The following AGGF1 variants were observed in gnomAD, a reference collection of about 807,000 sequenced individuals.
The protein encoded by AGGF1 is angiogenic factor with G-patch and FHA domains 1.
In AGGF1, 56 loss-of-function variants were observed where a neutral mutation model predicts 86.5. That is an observed-to-expected ratio of 0.65 (90% confidence interval 0.52 to 0.81). The LOEUF is 0.81. Among genes scored for constraint, AGGF1 ranks in the 30% least tolerant of loss-of-function variants. The pLI is 0.00. For missense variants in AGGF1, 816 were observed against 850.9 expected (o/e 0.96, Z 0.51); for synonymous variants, 313 against 297.1 (o/e 1.05, Z -0.55).
chr5:77,060,489 T>C (rs1034569528), intron 12 of AGGF1, among the ~76,000 whole-genome samples: 3 of 152,216 alleles, frequency 2.0e-5, no homozygotes, highest in Non-Finnish European at 4.4e-5. Context: ...GGCAAAGTAG[T>C]CTGGATAAAA....
At position 77,047,760 on chromosome 5, in the gene AGGF1, T is replaced by A. The variant is rs1036912141; in HGVS notation, c.1202-401T>A. ...CTTGAACTCCTGACCTCAGGTGATCTGCCTGCGTCGGCCCCCCAAAGTGCT... is the reference window on the plus strand; with the variant it reads ...CTTGAACTCCTGACCTCAGGTGATCAGCCTGCGTCGGCCCCCCAAAGTGCT... On this transcript the variant is annotated intron_variant, in intron 6 of 13. Transcript: ENST00000312916. Among the ~76,000 whole-genome samples, 6 of 151,482 alleles carry A rather than the reference T, an allele frequency of 4.0e-5. No individual in the cohort carries two copies. In the South Asian group the frequency reaches 1.3e-3, roughly 32 times the overall value.
In AGGF1 at chr5:77,063,052, A is replaced by G; in HGVS notation, c.1945A>G (p.Ile649Val). The G allele has an allele frequency of 6.2e-7, 1 of 1,614,062 alleles. No homozygotes were observed. Residue 649 changes from isoleucine (I) to valine (V), a missense_variant and splice_region_variant, in exon 14 of 14, where the codon ATC becomes GTC. Ile to Val is a conservative substitution (Grantham distance 29, BLOSUM62 3). Around this residue, in one of 3 missense-constraint regions of AGGF1, gnomAD observed 565 missense variants for 585.8 expected, o/e 0.96. Coordinates refer to ENST00000312916, the MANE Select transcript of AGGF1 (RefSeq NM_018046.5). ...GKDGGGMKTP[I>V]QLQLRRTHAG... ...TCCTCTGCTCAACTTTTGGTAACAG[A>G]TCCAGCTTCAGCTTCGGCGAACACA...
At chr5:77,049,911 T>C (rs1339047514) in intron 8 of AGGF1, among the ~76,000 whole-genome samples, 4 of 152,170 alleles carry the variant, frequency 2.6e-5, no homozygotes, top group Non-Finnish European at 4.4e-5. Context: ...TCCTCTCTTA[T>C]GGTTGTTATC....
In AGGF1 at chr5:77,046,362, G is replaced by C. The variant is rs868210620; in HGVS notation, c.886G>C (p.Asp296His). 1.2e-6 allele frequency: 2 copies of C among 1,613,632 alleles called. No individual in the cohort carries two copies. The highest frequency in any genetic ancestry group is 3.3e-4 in the Middle Eastern group (2 of 6,044). ...TNEEKDLNSE[D>H]QKAFSVEHTS... ...CCTTCTCCAGGATTTGAACTCAGAGGATCAAAAAGCCTTCAGTGTTGAACA... is the reference window on the plus strand; with the variant it reads ...CCTTCTCCAGGATTTGAACTCAGAGCATCAAAAAGCCTTCAGTGTTGAACA... The change falls in exon 6 of 14, where the codon GAT (aspartate) becomes CAT (histidine). Residue 296 changes from aspartate (D) to histidine (H), a missense_variant. Around this residue, in one of 3 missense-constraint regions of AGGF1, gnomAD observed 565 missense variants for 585.8 expected, o/e 0.96. Coordinates refer to ENST00000312916, the MANE Select transcript of AGGF1 (RefSeq NM_018046.5).
chr5:77,031,073 A>T, intron 1 of AGGF1, 97 bp downstream of exon 1: 1 of 1,291,802 alleles, frequency 7.7e-7, no homozygotes, highest in Non-Finnish European at 1.1e-6. Context: ...GGGGCTCAGA[A>T]CTACTGTAGA....
At chr5:77,060,299 C>T (rs2150735674) in intron 12 of AGGF1, among the ~76,000 whole-genome samples, 1 of 152,304 alleles carries the variant, frequency 6.6e-6, no homozygotes, top group South Asian at 2.1e-4. Flanking sequence ...TGTTAACAGT[C>T]TAGCCACACA....
At position 77,035,660 on chromosome 5, in the gene AGGF1, G is replaced by C; in HGVS notation, c.433G>C (p.Val145Leu). The change falls in exon 3 of 14, where the codon GTA becomes CTA. Residue 145 changes from valine (V) to leucine (L), a missense_variant. Coordinates refer to ENST00000312916, the MANE Select transcript of AGGF1 (RefSeq NM_018046.5). ...SILNSKDHLQ[V>L]ENDAYPGTDR... ...TTTGAATTCTAAAGACCATTTACAA[G>C]TAGAAAATGATGCTTACCCTGGTAC... 1 of 1,613,542 alleles carries C rather than the reference G, an allele frequency of 6.2e-7. No individual in the cohort carries two copies. The highest frequency in any genetic ancestry group is 8.5e-7 in the Non-Finnish European group (1 of 1,179,650).
chr5:77,049,759 G>A (rs1047157246), intron 8 of AGGF1, among the ~76,000 whole-genome samples: 1 of 151,842 alleles, frequency 6.6e-6, no homozygotes, highest in African/African-American at 2.4e-5. Flanking sequence ...CTGGGTGTTC[G>A]CTAGGCTGGT....
At chr5:77,059,814 C>T in intron 12 of AGGF1, 71 bp downstream of exon 12, 2 of 1,577,336 alleles carry the variant, frequency 1.3e-6, no homozygotes, top group South Asian at 2.2e-5. Context: ...GTCTGATGTT[C>T]AGGGCTATAT....
intron 5 of AGGF1, among the ~76,000 whole-genome samples, chr5:77,042,609 A>G (rs1279548500): frequency 9.6e-5 from 4 of 41,748 alleles, no homozygotes; most frequent in South Asian, 8.1e-4. Flanking sequence ...TCCCTCCCGG[A>G]CGTGGCGGCT....
intron 11 of AGGF1, 63 bp from the exon 12 acceptor site, chr5:77,059,553 T>C (rs1249174915): frequency 2.6e-5 from 37 of 1,411,968 alleles, no homozygotes; most frequent in Non-Finnish European, 3.6e-5. Flanking sequence ...GTAAGGCACA[T>C]GTACAGAAAT....
intron 4 of AGGF1, 140 bp downstream of exon 4, chr5:77,036,860 CCCAAGTAG>C (rs1000422398): frequency 1.1e-6 from 1 of 927,690 alleles, no homozygotes; most frequent in African/African-American, 1.6e-5. Context: ...GTCTCAGCAT[CCCAAGTAG>C]CTGGGATTAC....
At chr5:77,062,986 T>A (rs147004599) in intron 13 of AGGF1, 66 bp from the exon 14 acceptor site, 1 of 1,559,430 alleles carries the variant, frequency 6.4e-7, no homozygotes, top group African/African-American at 1.4e-5. Context: ...AGTCCTAAGT[T>A]GGACACAGCA....
At chr5:77,031,899 G>T (rs766192886) in intron 1 of AGGF1, among the ~76,000 whole-genome samples, 1 of 152,052 alleles carries the variant, frequency 6.6e-6, no homozygotes, top group African/African-American at 2.4e-5. Flanking sequence ...GTGCAACTCT[G>T]TCTCAAAATA....
rs1747419803 is a variant in AGGF1 at position 77,053,995 on chromosome 5, G to A, written c.1498G>A (p.Glu500Lys). 3.7e-6 allele frequency: 6 copies of A among 1,614,002 alleles called. No homozygotes were observed. The highest frequency in any genetic ancestry group is 4.2e-6 in the Non-Finnish European group (5 of 1,180,030). The change falls in exon 10 of 14, where the codon GAG becomes AAG. Residue 500 changes from glutamate (E) to lysine (K), a missense_variant. Transcript: ENST00000312916. ...AACTAAATGTGACCCTTACGTACTT[G>A]AGCATGGAGATGAAGTCAAAATTGG... Reference protein sequence around the residue: ...PKTKCDPYVLEHGDEVKIGET... With the variant: ...PKTKCDPYVLKHGDEVKIGET...
intron 5 of AGGF1, among the ~76,000 whole-genome samples, chr5:77,043,474 C>T (rs867149672): frequency 8.2e-6 from 1 of 122,012 alleles, no homozygotes; most frequent in Admixed American, 7.9e-5. Flanking sequence ...GGGCGGTTGG[C>T]CGGGCGGAGG....
chr5:77,060,234 T>TA (rs1747534008), intron 12 of AGGF1, among the ~76,000 whole-genome samples: 1 of 152,182 alleles, frequency 6.6e-6, no homozygotes, highest in Non-Finnish European at 1.5e-5. Flanking sequence ...TATTATCCCC[T>TA]AAAAAATTGC....
At chr5:77,040,536 A>G (rs1747057072) in intron 5 of AGGF1, among the ~76,000 whole-genome samples, 1 of 152,212 alleles carries the variant, frequency 6.6e-6, no homozygotes, top group Admixed American at 6.5e-5. Flanking sequence ...GTTACATTTA[A>G]TTTAAAAAAG....
chr5:77,038,877 G>T (rs1747010081), intron 4 of AGGF1, among the ~76,000 whole-genome samples: 1 of 152,014 alleles, frequency 6.6e-6, no homozygotes, highest in Non-Finnish European at 1.5e-5. Flanking sequence ...TTTTAAATCT[G>T]TAATTTGCCA....
Sources: gnomAD v4.1 joint callset for allele counts (sites outside exome capture counted in the v4.1 genomes callset) on GRCh38, gnomAD v4.1.1 for gene constraint, gnomAD v4.1.1 regional missense constraint, MANE v1.5 for transcripts, NCBI Gene and HGNC (gene_info 2026-07-23, HGNC 2026-07-21) for gene names.